The following IRAK1BP1 variants were observed in gnomAD, a reference collection of about 807,000 sequenced individuals.
The protein encoded by IRAK1BP1 is interleukin-1 receptor-associated kinase 1-binding protein 1.
A neutral mutation model predicts 28.0 loss-of-function variants in IRAK1BP1; 24 were observed. The observed-to-expected ratio is 0.86, with a 90% CI of 0.62 to 1.20. IRAK1BP1 has a LOEUF of 1.20. Ranked by LOEUF, IRAK1BP1 falls within the 50% of genes most tolerant of loss-of-function variation. The pLI is 0.00. For missense variants in IRAK1BP1, 336 were observed against 316.7 expected (o/e 1.06, Z -0.46); for synonymous variants, 131 against 116.3 (o/e 1.13, Z -0.81).
At chr6:78,925,688 G>C (rs1220702821) in intron 4 of IRAK1BP1, among the ~76,000 whole-genome samples, 7 of 151,994 alleles carry the variant, frequency 4.6e-5, no homozygotes, top group Non-Finnish European at 2.9e-5. Context: ...CCCATCACTA[G>C]GTATATTCCC....
downstream of IRAK1BP1, among the ~76,000 whole-genome samples, chr6:78,904,956 G>T (rs957139848): frequency 1.5e-4 from 23 of 151,948 alleles, no homozygotes; most frequent in African/African-American, 5.6e-4. Flanking sequence ...GATTCATGTC[G>T]TCCACAAAGA....
the IRAK1BP1 span, among the ~76,000 whole-genome samples, chr6:78,975,964 G>C: frequency 1.3e-5 from 2 of 151,488 alleles, no homozygotes; most frequent in Non-Finnish European, 3.0e-5. Context: ...GTAATTTACA[G>C]ATTCAATGCC....
At chr6:78,877,975 T>TA (rs199956154) in intron 1 of IRAK1BP1, among the ~76,000 whole-genome samples, 48,017 of 144,614 alleles carry the variant, frequency 0.33, 7,761 homozygotes, top group Non-Finnish European at 0.36. Context: ...CTTGAGTAGG[T>TA]AAAAAAAAAA....
intron 4 of IRAK1BP1, among the ~76,000 whole-genome samples, chr6:78,912,714 A>G (rs528774013): frequency 6.6e-6 from 1 of 152,342 alleles, no homozygotes; most frequent in East Asian, 1.9e-4. Context: ...TAAATATTAT[A>G]TAGCAATAAA....
intron 1 of IRAK1BP1, 68 bp downstream of exon 1, chr6:78,867,959 C>G: frequency 6.9e-7 from 1 of 1,438,924 alleles, no homozygotes; most frequent in Non-Finnish European, 9.3e-7. Context: ...GGTCGGGCCC[C>G]ACAGGCCCCC....
chr6:78,943,989 T>TAAAAAAA (rs1424311614), intron 4 of IRAK1BP1, among the ~76,000 whole-genome samples: 1 of 46,852 alleles, frequency 2.1e-5, no homozygotes, highest in African/African-American at 7.0e-5. Flanking sequence ...CTGTCTTTTT[T>TAAAAAAA]TAAAAAAAAA....
At chr6:78,909,860 A>G (rs1310530653) in intron 4 of IRAK1BP1, among the ~76,000 whole-genome samples, 2 of 151,966 alleles carry the variant, frequency 1.3e-5, no homozygotes, top group Non-Finnish European at 2.9e-5. Flanking sequence ...TTTTTTGCTC[A>G]CTCTCAGCAG....
the IRAK1BP1 span, chr6:78,961,772 C>T: frequency 6.2e-7 from 1 of 1,610,878 alleles, no homozygotes; most frequent in East Asian, 2.2e-5. Flanking sequence ...ATGGGATAGG[C>T]TTGCAGATCC....
intron 4 of IRAK1BP1, among the ~76,000 whole-genome samples, chr6:78,922,924 C>A (rs1247673324): frequency 6.6e-6 from 1 of 152,088 alleles, no homozygotes; most frequent in Non-Finnish European, 1.5e-5. Flanking sequence ...CTGAAGGAAG[C>A]ACTAAACATG....
downstream of IRAK1BP1, among the ~76,000 whole-genome samples, chr6:78,950,613 T>C (rs1478159291): frequency 6.6e-6 from 1 of 152,210 alleles, no homozygotes; most frequent in African/African-American, 2.4e-5. Flanking sequence ...ATCAAATTTA[T>C]ATATGTAGAA....
chr6:78,888,466 A>G (rs986810081), intron 2 of IRAK1BP1, among the ~76,000 whole-genome samples: 5 of 151,938 alleles, frequency 3.3e-5, no homozygotes, highest in South Asian at 2.1e-4. Context: ...ATCAAATTGT[A>G]TATTCTAAAT....
At chr6:78,960,153 C>A in the IRAK1BP1 span, among the ~76,000 whole-genome samples, 1 of 152,068 alleles carries the variant, frequency 6.6e-6, no homozygotes, top group Non-Finnish European at 1.5e-5. Context: ...AATTCATATC[C>A]CTTTCATATC....
At chr6:78,940,607 G>T in intron 4 of IRAK1BP1, 1 of 252,622 alleles carries the variant, frequency 4.0e-6, no homozygotes, top group East Asian at 1.0e-4. Flanking sequence ...CTCCACCACA[G>T]CAGCAAGGAA....
intron 1 of IRAK1BP1, among the ~76,000 whole-genome samples, chr6:78,880,302 A>G (rs1258899621): frequency 2.0e-5 from 3 of 152,222 alleles, no homozygotes; most frequent in African/African-American, 7.2e-5. Flanking sequence ...AAAATCTAAA[A>G]TTCAAAATTC....
intron 4 of IRAK1BP1, among the ~76,000 whole-genome samples, chr6:78,922,432 C>A (rs1020054127): frequency 4.6e-5 from 7 of 152,050 alleles, no homozygotes; most frequent in Admixed American, 1.3e-4. Context: ...GTGAAAAGAC[C>A]AAATCTACAT....
At chr6:78,971,997 C>A in the IRAK1BP1 span, among the ~76,000 whole-genome samples, 103 of 151,316 alleles carry the variant, frequency 6.8e-4, 1 homozygote, top group South Asian at 8.0e-3. Context: ...ACAAAGCAGC[C>A]GGGAAGCTCG....
chr6:78,879,692 A>T (rs916588665), intron 1 of IRAK1BP1, among the ~76,000 whole-genome samples: 92 of 152,314 alleles, frequency 6.0e-4, no homozygotes, highest in Admixed American at 4.5e-3. Flanking sequence ...CAAGCACTGG[A>T]TGGAACAAAC....
chr6:78,903,579 C>A (rs1240407481), downstream of IRAK1BP1, among the ~76,000 whole-genome samples: 2 of 151,780 alleles, frequency 1.3e-5, no homozygotes, highest in African/African-American at 4.8e-5. Context: ...ATAATTTACA[C>A]ACTAAAAGAT....
At chr6:78,958,618 T>C in the IRAK1BP1 span, 32 of 1,478,518 alleles carry the variant, frequency 2.2e-5, no homozygotes, top group South Asian at 1.8e-4. Context: ...AAACAAAATA[T>C]AGAAGTTTTA....
Sources: gnomAD v4.1 joint callset for allele counts (sites outside exome capture counted in the v4.1 genomes callset) on GRCh38, gnomAD v4.1.1 for gene constraint, MANE v1.5 for transcripts, NCBI Gene and HGNC (gene_info 2026-07-23, HGNC 2026-07-21) for gene names.